The following FEZ2 variants were observed in gnomAD, a reference collection of about 807,000 sequenced individuals.
FEZ2 encodes the protein fasciculation and elongation protein zeta-2.
FEZ2 carries 51 observed loss-of-function variants against 40.4 expected under a neutral mutation model. That is an observed-to-expected ratio of 1.26 (90% CI 1.01 to 1.59). The LOEUF (loss-of-function observed/expected upper bound fraction) is 1.59. Ranked by LOEUF, FEZ2 falls within the 40% of genes most tolerant of loss-of-function variation. The pLI is 0.00. For missense variants in FEZ2, 640 were observed against 438.3 expected (o/e 1.46, Z -4.11); for synonymous variants, 242 against 172.0 (o/e 1.41, Z -3.18).
chr2:36,584,500 C>T (rs888684800), intron 2 of FEZ2, among the ~76,000 whole-genome samples: 2 of 152,208 alleles, frequency 1.3e-5, no homozygotes, highest in Admixed American at 1.3e-4. Context: ...AACAAGGGAA[C>T]ATCTGTCTAT....
intron 5 of FEZ2, chr2:36,559,157 AG>A (rs1228588736): frequency 1.4e-4 from 21 of 152,218 alleles, no homozygotes; most frequent in Admixed American, 1.3e-4. Context: ...GAATGGCCTA[AG>A]GGGAAATGAA....
At chr2:36,585,251 G>A (rs937079121) in intron 2 of FEZ2, among the ~76,000 whole-genome samples, 1 of 152,128 alleles carries the variant, frequency 6.6e-6, no homozygotes, top group Non-Finnish European at 1.5e-5. Context: ...AAACAAGTAG[G>A]CAGGGGCTAG....
At chr2:36,578,502 T>C (rs1383734978) in intron 5 of FEZ2, 95 bp downstream of exon 5, 6 of 1,272,140 alleles carry the variant, frequency 4.7e-6, no homozygotes, top group African/African-American at 4.5e-5. Context: ...CTCCTGCCCA[T>C]GTACAACCTG....
intron 4 of FEZ2, among the ~76,000 whole-genome samples, chr2:36,579,318 T>A (rs1022918408): frequency 6.6e-6 from 1 of 152,210 alleles, no homozygotes; most frequent in African/African-American, 2.4e-5. Flanking sequence ...TTAAACTAAA[T>A]ATACACTTAA....
intron 5 of FEZ2, among the ~76,000 whole-genome samples, chr2:36,578,140 C>G (rs950355908): frequency 7.2e-5 from 11 of 152,180 alleles, no homozygotes; most frequent in African/African-American, 2.7e-4. Context: ...AACCTGTTTA[C>G]AAACAATTTG....
chr2:36,566,255 G>T (rs1447420852), intron 5 of FEZ2, among the ~76,000 whole-genome samples: 1 of 152,030 alleles, frequency 6.6e-6, no homozygotes, highest in African/African-American at 2.4e-5. Flanking sequence ...CAGGAGAATG[G>T]CGTGAATCCG....
chr2:36,578,883 A>G lies in FEZ2; in HGVS notation c.635-18T>C. The G allele has an allele frequency of 6.3e-7, 1 of 1,590,268 alleles. No homozygotes were observed. Among genetic ancestry groups the G allele is most frequent in the South Asian group, 1.2e-5 (1 of 86,922 alleles). ...TTTCACTCCTGTGACCAAAAGCAAA[A>G]TACAGCAGATATTAAGACAAAAACA... On this transcript the variant is annotated intron_variant, in intron 4 of 7. Coordinates refer to ENST00000405912, the MANE Select transcript of FEZ2 (RefSeq NM_005102.3).
chr2:36,557,204 G>A (rs1287157320), intron 6 of FEZ2: 1 of 152,102 alleles, frequency 6.6e-6, no homozygotes, highest in Admixed American at 6.5e-5. Context: ...AATTGCCTGG[G>A]AATTAAGAGA....
intron 1 of FEZ2, among the ~76,000 whole-genome samples, chr2:36,591,926 G>A (rs1216262449): frequency 6.6e-6 from 1 of 152,170 alleles, no homozygotes; most frequent in East Asian, 1.9e-4. Context: ...GAGGTGTATT[G>A]AAGAGAGTCC....
intron 5 of FEZ2, among the ~76,000 whole-genome samples, chr2:36,567,348 T>G (rs183090477): frequency 1.1e-4 from 17 of 151,710 alleles, no homozygotes; most frequent in Admixed American, 6.6e-5. Flanking sequence ...TTCAGAAGAG[T>G]GAACAACGGA....
intron 5 of FEZ2, among the ~76,000 whole-genome samples, chr2:36,569,283 A>G (rs1251478930): frequency 6.6e-6 from 1 of 152,216 alleles, no homozygotes; most frequent in Admixed American, 6.5e-5. Context: ...TTTAGACACA[A>G]CTCCCAAAGA....
chr2:36,581,635 TA>T, intron 3 of FEZ2: 1 of 544,244 alleles, frequency 1.8e-6, no homozygotes, highest in Non-Finnish European at 3.4e-6. Context: ...TACAATATAC[TA>T]AACACAAACC....
chr2:36,561,962 G>A (rs1475971798), intron 5 of FEZ2, among the ~76,000 whole-genome samples: 2 of 152,308 alleles, frequency 1.3e-5, no homozygotes, highest in Admixed American at 6.5e-5. Context: ...CTGCCAAGAG[G>A]TCCCTGAAAT....
intron 2 of FEZ2, chr2:36,590,177 T>C (rs1157557931): frequency 6.6e-6 from 1 of 152,232 alleles, no homozygotes; most frequent in Non-Finnish European, 1.5e-5. Flanking sequence ...GACCGTATTT[T>C]AAAAGCCAAG....
chr2:36,585,655 C>A (rs1206893339), intron 2 of FEZ2, among the ~76,000 whole-genome samples: 1 of 152,074 alleles, frequency 6.6e-6, no homozygotes, highest in Non-Finnish European at 1.5e-5. Context: ...AAGAAAAAAC[C>A]TAAGTAGAAA....
intron 7 of FEZ2, among the ~76,000 whole-genome samples, chr2:36,553,471 C>T (rs1471013882): frequency 1.3e-5 from 2 of 152,104 alleles, no homozygotes. Flanking sequence ...AGGCTTGTGA[C>T]ACAACAAACA....
At chr2:36,579,381 T>G (rs556997768) in intron 4 of FEZ2, among the ~76,000 whole-genome samples, 2 of 152,316 alleles carry the variant, frequency 1.3e-5, no homozygotes, top group African/African-American at 4.8e-5. Context: ...ATGGTTTGTA[T>G]CTGTGTCCCC....
chr2:36,575,604 A>C (rs1246704472), intron 5 of FEZ2, among the ~76,000 whole-genome samples: 2 of 152,198 alleles, frequency 1.3e-5, no homozygotes, highest in Non-Finnish European at 2.9e-5. Flanking sequence ...CTAAAACTCC[A>C]ATCAAAATCA....
At chr2:36,554,153 G>T (rs1667894532) in intron 7 of FEZ2, 3 of 469,694 alleles carry the variant, frequency 6.4e-6, no homozygotes, top group African/African-American at 2.0e-5. Context: ...GTACAGTATA[G>T]ATAGAACTGG....
Sources: gnomAD v4.1 joint callset for allele counts (sites outside exome capture counted in the v4.1 genomes callset) on GRCh38, gnomAD v4.1.1 for gene constraint, MANE v1.5 for transcripts, NCBI Gene and HGNC (gene_info 2026-07-23, HGNC 2026-07-21) for gene names.